The following MTHFD2L variants were observed in gnomAD, a reference collection of about 807,000 sequenced individuals.
MTHFD2L encodes the protein bifunctional methylenetetrahydrofolate dehydrogenase/cyclohydrolase 2, mitochondrial.
MTHFD2L carries 29 observed loss-of-function variants against 34.9 expected under a neutral mutation model. That is an observed-to-expected ratio of 0.83 (90% CI 0.62 to 1.13). MTHFD2L has a LOEUF of 1.13. Among genes scored for constraint, MTHFD2L ranks in the 50% most tolerant of loss-of-function variants. The pLI, the probability that MTHFD2L is intolerant of heterozygous loss-of-function variation, is 0.00. For synonymous variants in MTHFD2L, 167 were observed against 155.7 expected, an observed-to-expected ratio of 1.07 and a Z score of -0.54; for missense variants, 481 against 446.5, an observed-to-expected ratio of 1.08 and a Z score of -0.70.
chr4:74,256,328 C>G (rs1443329624), intron 6 of MTHFD2L, among the ~76,000 whole-genome samples: 3 of 152,028 alleles, frequency 2.0e-5, no homozygotes, highest in South Asian at 2.1e-4. Flanking sequence ...CCAGGCTGGT[C>G]TTGAACTCCT....
intron 3 of MTHFD2L, among the ~76,000 whole-genome samples, chr4:74,187,562 A>C (rs906512569): frequency 1.3e-5 from 2 of 152,172 alleles, no homozygotes; most frequent in Admixed American, 1.3e-4. Flanking sequence ...TATTAACAAG[A>C]TACTACTGCA....
intron 7 of MTHFD2L, among the ~76,000 whole-genome samples, 167 bp from the exon 8 acceptor site, chr4:74,301,530 A>AGT (rs1402085162): frequency 6.8e-6 from 1 of 147,126 alleles, no homozygotes. Context: ...AGTGAGTGTG[A>AGT]GCGTGTGTGT....
chr4:74,294,906 A>G (rs1193704879), intron 7 of MTHFD2L, among the ~76,000 whole-genome samples: 1 of 152,102 alleles, frequency 6.6e-6, no homozygotes, highest in Non-Finnish European at 1.5e-5. Context: ...GGCAGGCTGA[A>G]AAAGAATTTC....
chr4:74,255,514 C>T (rs2110209648), intron 6 of MTHFD2L, among the ~76,000 whole-genome samples: 1 of 152,158 alleles, frequency 6.6e-6, no homozygotes, highest in Admixed American at 6.5e-5. Flanking sequence ...CTTTTAGATT[C>T]AGGGGATACA....
At chr4:74,129,284 A>G (rs1017318092) in intron 1 of MTHFD2L, among the ~76,000 whole-genome samples, 1 of 152,122 alleles carries the variant, frequency 6.6e-6, no homozygotes, top group African/African-American at 2.4e-5. Flanking sequence ...AAATCAACAG[A>G]ATACACATTC....
At chr4:74,128,246 T>C (rs1261872203) in intron 1 of MTHFD2L, among the ~76,000 whole-genome samples, 1 of 152,158 alleles carries the variant, frequency 6.6e-6, no homozygotes, top group South Asian at 2.1e-4. Context: ...TTTAGCTTTA[T>C]GTAATCTCAA....
chr4:74,205,406 A>G (rs1478733897), intron 5 of MTHFD2L, among the ~76,000 whole-genome samples: 14 of 152,170 alleles, frequency 9.2e-5, no homozygotes, highest in Admixed American at 9.2e-4. Context: ...CATGCCGTGT[A>G]TTTATTTCTT....
At chr4:74,251,651 C>T (rs914469052) in intron 6 of MTHFD2L, among the ~76,000 whole-genome samples, 1 of 152,136 alleles carries the variant, frequency 6.6e-6, no homozygotes, top group African/African-American at 2.4e-5. Context: ...GCCCTCACTG[C>T]CACAAGCCAG....
intron 7 of MTHFD2L, among the ~76,000 whole-genome samples, chr4:74,283,202 A>T (rs1747717807): frequency 6.6e-6 from 1 of 152,166 alleles, no homozygotes; most frequent in Non-Finnish European, 1.5e-5. Context: ...AGTTCAGTCC[A>T]GCACATTTTA....
At chr4:74,266,906 C>G (rs1203004423) in intron 6 of MTHFD2L, 2 of 985,110 alleles carry the variant, frequency 2.0e-6, no homozygotes, top group East Asian at 1.1e-4. Context: ...GGCCTCATTT[C>G]TTTGTATTAT....
At chr4:74,240,459 T>A (rs985034854) in intron 6 of MTHFD2L, among the ~76,000 whole-genome samples, 8 of 152,142 alleles carry the variant, frequency 5.3e-5, no homozygotes, top group Non-Finnish European at 8.8e-5. Flanking sequence ...TTCAACAGTG[T>A]TGGAACATTT....
At chr4:74,158,003 G>C (rs1362718857), upstream of MTHFD2L, 3 of 1,329,874 alleles carry the variant, frequency 2.3e-6, no homozygotes, top group East Asian at 5.1e-5. Context: ...CCCACTCTGC[G>C]TGTCTGCCGG....
Position 74,199,901 on chromosome 4 carries a change from A to G in MTHFD2L, c.559A>G (p.Ile187Val), listed in dbSNP as rs1203155187. The G allele has an allele frequency of 6.2e-7, 1 of 1,614,006 alleles. No individual in the cohort carries two copies. Among genetic ancestry groups the G allele is most frequent in the Admixed American group, 1.7e-5 (1 of 60,000 alleles). Residue 187 changes from isoleucine to valine, a missense_variant, in exon 4 of 8, where the codon ATA becomes GTA. Physicochemically the swap from Ile to Val is conservative, Grantham distance 29. Transcript: ENST00000325278. ...GRLCLDQHSLIPATASAVWEI... is the reference protein window; with the variant it reads ...GRLCLDQHSLVPATASAVWEI... ...ATTGTGCCTTGATCAGCATTCTCTC[A>G]TACCTGCCACTGCCAGTGCTGTTTG...
intron 1 of MTHFD2L, among the ~76,000 whole-genome samples, chr4:74,173,313 T>G (rs1728380885): frequency 6.6e-6 from 1 of 152,220 alleles, no homozygotes. Flanking sequence ...TTTCCAGAGA[T>G]AGTTTATATC....
At chr4:74,265,007 G>C (rs1745113964) in intron 6 of MTHFD2L, among the ~76,000 whole-genome samples, 1 of 152,056 alleles carries the variant, frequency 6.6e-6, no homozygotes, top group Non-Finnish European at 1.5e-5. Context: ...CAATTGATGA[G>C]TATATATCAA....
chr4:74,175,528 CT>C, intron 3 of MTHFD2L, 125 bp downstream of exon 3: 1 of 1,046,872 alleles, frequency 9.6e-7, no homozygotes, highest in Admixed American at 2.4e-5. Context: ...AGCTATTTTA[CT>C]AGTAATAGGT....
At chr4:74,156,601 A>G (rs568052538), upstream of MTHFD2L, 1 of 152,314 alleles carries the variant, frequency 6.6e-6, no homozygotes, top group South Asian at 2.1e-4. Flanking sequence ...TGCATGGTTA[A>G]ATGATATTTA....
chr4:74,201,757 T>C (rs758814200), intron 5 of MTHFD2L, among the ~76,000 whole-genome samples: 2 of 152,116 alleles, frequency 1.3e-5, no homozygotes, highest in Non-Finnish European at 2.9e-5. Context: ...TTAGTTTATT[T>C]TACAGACAAG....
intron 6 of MTHFD2L, among the ~76,000 whole-genome samples, chr4:74,275,216 G>C (rs935305327): frequency 6.6e-6 from 1 of 152,066 alleles, no homozygotes. Flanking sequence ...CTGTTCCTGT[G>C]CTAGTTTGCT....
Sources: allele counts gnomAD v4.1 joint callset (sites outside exome capture counted in the v4.1 genomes callset), GRCh38; gene constraint gnomAD v4.1.1; transcripts MANE v1.5; gene names NCBI Gene and HGNC (gene_info 2026-07-23, HGNC 2026-07-21).